NCOR2: variants seen among roughly 807,000 people sequenced by gnomAD.
NCOR2 encodes nuclear receptor corepressor 2.
A neutral mutation model predicts 262.9 loss-of-function variants in NCOR2; 81 were observed. The ratio of observed to expected loss-of-function variants is 0.31; its 90% confidence interval spans 0.26 to 0.37. NCOR2 has a LOEUF of 0.37. Ranked by LOEUF, NCOR2 falls within the 10% of genes least tolerant of loss-of-function variation. NCOR2 has a pLI of 1.00. For missense variants in NCOR2, 3,385 were observed against 3,621.4 expected, an observed-to-expected ratio of 0.93 and a Z score of 1.68; for synonymous variants, 1,659 against 1,559.3, an observed-to-expected ratio of 1.06 and a Z score of -1.51.
rs1307681469 is a variant in NCOR2 at position 124,354,149 on chromosome 12, G to A, written c.3637C>T (p.Pro1213Ser). ...CTGTCCGAGGGCACCCGTGTGCTGG[G>A]AATGCCTTTGGTGATGCTTCCGCCC... is the stretch of plus-strand genomic sequence containing the variant. The change falls in exon 27 of 47, where the codon CCC (proline) becomes TCC (serine). Residue 1213 changes from proline to serine, a missense_variant. By Grantham distance (74) the Pro-to-Ser change is moderately conservative (BLOSUM62 -1). This residue lies in a region of NCOR2 where 1,615 missense variants were observed against 1,626.9 expected (regional missense o/e 0.99). Transcript: ENST00000405201. 1.9e-6 allele frequency: 3 copies of A among 1,610,072 alleles called. No individual in the cohort carries two copies. In the South Asian group the frequency reaches 3.3e-5, roughly 18 times the overall value.
At position 124,544,720 on chromosome 12, in the gene NCOR2, G is replaced by A. The variant is rs377121393; in HGVS notation, c.-164-9109C>T. ...AGGGACCTGCTTCCACCATTCAGCC[G>A]GTGCCCACACACAGGAGGGGACAGC... On this transcript the variant is annotated intron_variant, in intron 1 of 32. Transcript: ENST00000458234. 3.0e-4 allele frequency among the ~76,000 whole-genome samples: 45 copies of A among 152,270 alleles called. No homozygotes were observed. In the East Asian group the frequency reaches 3.9e-3, roughly 13 times the overall value.
intron 1 of NCOR2, among the ~76,000 whole-genome samples, chr12:124,552,859 T>A (rs922923793): frequency 1.3e-5 from 2 of 152,080 alleles, no homozygotes; most frequent in African/African-American, 4.8e-5. Context: ...TTTTCTATGT[T>A]TTTTATAGAG....
In NCOR2 at chr12:124,378,213, C is replaced by A; in HGVS notation, c.2167+24G>T. ...AGCTCGGACCCACAGCTGCCAGCCA[C>A]CTCCAAGCCGCGCCAGCCCTCACCT... On this transcript the variant is annotated intron_variant, in intron 18 of 46. Transcript: ENST00000405201. This position sits in a 1 kb window ranked among gnomAD's most constrained non-coding sequence, Gnocchi z 4.2. The A allele has an allele frequency of 6.2e-7, 1 of 1,608,670 alleles. No individual in the cohort carries two copies. The highest frequency in any genetic ancestry group is 8.5e-7 in the Non-Finnish European group (1 of 1,176,348).
At chr12:124,401,210 C>CAAA (rs34583413) in intron 14 of NCOR2, among the ~76,000 whole-genome samples, 1 of 133,240 alleles carries the variant, frequency 7.5e-6, no homozygotes, top group Non-Finnish European at 1.6e-5. Context: ...GACCCTGTCT[C>CAAA]AAAAAAAAAA....
chr12:124,492,154 G>A (rs1322593803), intron 1 of NCOR2, among the ~76,000 whole-genome samples: 1 of 152,218 alleles, frequency 6.6e-6, no homozygotes, highest in African/African-American at 2.4e-5. Context: ...CCGCCAGCTC[G>A]GCATCCACGG....
intron 43 of NCOR2, 123 bp downstream of exon 45, chr12:124,332,196 C>A: frequency 1.6e-6 from 2 of 1,251,086 alleles, no homozygotes; most frequent in South Asian, 1.3e-5. Context: ...AGGTGGTCAG[C>A]AGGGCCACTT....
upstream of NCOR2, among the ~76,000 whole-genome samples, chr12:124,539,830 T>C (rs1396807069): frequency 6.6e-6 from 1 of 151,788 alleles, no homozygotes; most frequent in Non-Finnish European, 1.5e-5. The surrounding 1 kb of genome is among the most constrained non-coding windows in gnomAD (Gnocchi z 5.1). Flanking sequence ...CATCTTTTCC[T>C]CCTCCAGGAA....
chr12:124,475,801 A>T (rs548763626), intron 3 of NCOR2, among the ~76,000 whole-genome samples: 2 of 152,130 alleles, frequency 1.3e-5, no homozygotes, highest in African/African-American at 4.8e-5. Flanking sequence ...TTGAAGGGGG[A>T]GGCTGCAGGG....
At chr12:124,388,299 C>A (rs2040967842) in intron 16 of NCOR2, among the ~76,000 whole-genome samples, 1 of 152,084 alleles carries the variant, frequency 6.6e-6, no homozygotes, top group African/African-American at 2.4e-5. Context: ...CTGGCACTGG[C>A]TTCCTCTGGT....
At chr12:124,446,574 A>G (rs930811908) in intron 7 of NCOR2, among the ~76,000 whole-genome samples, 3 of 152,112 alleles carry the variant, frequency 2.0e-5, no homozygotes, top group African/African-American at 7.2e-5. Flanking sequence ...AGAGGTCCAC[A>G]CAGCCAGCTG....
intron 16 of NCOR2, among the ~76,000 whole-genome samples, chr12:124,396,210 G>A (rs2041645878): frequency 6.6e-6 from 1 of 152,114 alleles, no homozygotes; most frequent in Non-Finnish European, 1.5e-5. Flanking sequence ...CTGCTAATGG[G>A]TATGGGATTT....
chr12:124,345,016 C>G (rs1420969965), intron 31 of NCOR2, 65 bp from the exon 34 acceptor site: 1 of 1,366,648 alleles, frequency 7.3e-7, no homozygotes, highest in East Asian at 2.5e-5. Flanking sequence ...GCTGCATCCC[C>G]CTTCTGAGCC....
intron 32 of NCOR2, among the ~76,000 whole-genome samples, chr12:124,343,553 C>T (rs535379721): frequency 3.3e-5 from 5 of 152,154 alleles, no homozygotes; most frequent in Admixed American, 6.5e-5. Flanking sequence ...ACATTCAATG[C>T]GAGAGACAGG....
At chr12:124,337,038 G>C in exon 38 of NCOR2, 1 of 1,497,744 alleles carries the variant, frequency 6.7e-7, no homozygotes, top group Non-Finnish European at 8.9e-7. Context: ...CGCTCTGGCC[G>C]GGCGACCCGG....
At chr12:124,338,148 C>T (rs1249771823) in intron 37 of NCOR2, among the ~76,000 whole-genome samples, 2 of 152,264 alleles carry the variant, frequency 1.3e-5, no homozygotes, top group East Asian at 1.9e-4. Flanking sequence ...GGCATCCAAG[C>T]GGCAAGTTGG....
intron 2 of NCOR2, among the ~76,000 whole-genome samples, chr12:124,485,101 G>C (rs576626655): frequency 3.2e-4 from 49 of 152,332 alleles, no homozygotes; most frequent in African/African-American, 1.0e-3. Context: ...GGCTTGGCAG[G>C]AAGCGCATGG....
exon 23 of NCOR2, chr12:124,356,725 A>G (rs2037983387): frequency 2.0e-6 from 3 of 1,498,854 alleles, no homozygotes; most frequent in Non-Finnish European, 2.6e-6. Context: ...GGGGAAGGGC[A>G]GGCCGGAAGT....
chr12:124,487,586 T>C (rs1487104010), intron 1 of NCOR2, among the ~76,000 whole-genome samples: 1 of 152,174 alleles, frequency 6.6e-6, no homozygotes, highest in Non-Finnish European at 1.5e-5. Flanking sequence ...AGCGCTCCTC[T>C]TAGTAATTTT....
upstream of NCOR2, among the ~76,000 whole-genome samples, chr12:124,495,913 G>A (rs1000730786): frequency 2.6e-5 from 4 of 152,150 alleles, no homozygotes; most frequent in Non-Finnish European, 5.9e-5. This position sits in a 1 kb window ranked among gnomAD's most constrained non-coding sequence, Gnocchi z 4.4. Flanking sequence ...CATGGGACAG[G>A]ACTGATATGA....
Sources: allele counts gnomAD v4.1 joint callset (sites outside exome capture counted in the v4.1 genomes callset), GRCh38; gene constraint gnomAD v4.1.1; regional missense constraint gnomAD v4.1.1; non-coding constraint Gnocchi (gnomAD v3.1); transcripts MANE v1.5; gene names NCBI Gene and HGNC (gene_info 2026-07-23, HGNC 2026-07-21).